ABHD17B: variants seen among roughly 807,000 people sequenced by gnomAD.
The protein encoded by ABHD17B is alpha/beta hydrolase domain-containing protein 17B.
A neutral mutation model predicts 26.2 loss-of-function variants in ABHD17B; 9 were observed. That is an observed-to-expected ratio of 0.34 (90% CI 0.21 to 0.60). ABHD17B has a LOEUF of 0.60. Ranked by LOEUF, ABHD17B falls within the 20% of genes least tolerant of loss-of-function variation. ABHD17B has a pLI of 0.80. For synonymous variants in ABHD17B, 127 were observed against 122.3 expected, an observed-to-expected ratio of 1.04 and a Z score of -0.25; for missense variants, 224 against 352.1, an observed-to-expected ratio of 0.64 and a Z score of 2.91.
chr9:71,896,456 T>C (rs147777291), intron 1 of ABHD17B, among the ~76,000 whole-genome samples: 11 of 152,252 alleles, frequency 7.2e-5, no homozygotes, highest in African/African-American at 2.4e-4. Flanking sequence ...TTGGTCAAGA[T>C]ATCAAACTTC....
chr9:71,891,586 T>C (rs990705637), intron 1 of ABHD17B, among the ~76,000 whole-genome samples: 1 of 152,218 alleles, frequency 6.6e-6, no homozygotes, highest in Admixed American at 6.5e-5. Context: ...AAGAACTAAA[T>C]TGGGTTTCCT....
At chr9:71,876,824 C>A (rs959198281) in intron 1 of ABHD17B, among the ~76,000 whole-genome samples, 5 of 152,034 alleles carry the variant, frequency 3.3e-5, no homozygotes, top group African/African-American at 4.8e-5. Context: ...AAGAGAGGAA[C>A]AAGGGTAGGT....
intron 2 of ABHD17B, among the ~76,000 whole-genome samples, chr9:71,872,658 T>A (rs2132132966): frequency 6.6e-6 from 1 of 152,220 alleles, no homozygotes; most frequent in East Asian, 1.9e-4. Context: ...AATAAAGCTA[T>A]TTTTTTAATT....
Position 71,866,751 on chromosome 9 carries a change from A to G in ABHD17B, c.*36T>C. On this transcript the variant is annotated 3_prime_UTR_variant, in exon 4 of 4. Transcript: ENST00000333421. Reference sequence around the variant, plus strand: ...ATTTACCAAAGAGTGCAGTTCAGCAAGAAAGGAAAACCCAGTAGCAAATTT... The same window carrying G: ...ATTTACCAAAGAGTGCAGTTCAGCAGGAAAGGAAAACCCAGTAGCAAATTT... The G allele has an allele frequency of 6.2e-7, 1 of 1,611,270 alleles. No homozygotes were observed. The highest frequency in any genetic ancestry group is 8.5e-7 in the Non-Finnish European group (1 of 1,178,524).
intron 1 of ABHD17B, among the ~76,000 whole-genome samples, chr9:71,892,658 G>T (rs534214649): frequency 6.6e-6 from 1 of 151,532 alleles, no homozygotes; most frequent in Non-Finnish European, 1.5e-5. Flanking sequence ...AATTTGGGGG[G>T]GGGAAGGCAG....
intron 1 of ABHD17B, among the ~76,000 whole-genome samples, chr9:71,880,185 A>G (rs1373372733): frequency 6.6e-6 from 1 of 152,214 alleles, no homozygotes; most frequent in Non-Finnish European, 1.5e-5. Flanking sequence ...GGGAAATCAA[A>G]GACCACCTTC....
chr9:71,895,989 TAAGA>T (rs1416419512), intron 1 of ABHD17B, among the ~76,000 whole-genome samples: 3 of 152,210 alleles, frequency 2.0e-5, no homozygotes, highest in Non-Finnish European at 4.4e-5. Flanking sequence ...TGGAGGTTCT[TAAGA>T]TATATTACAT....
intron 1 of ABHD17B, among the ~76,000 whole-genome samples, chr9:71,891,079 A>ACAGTAAACTACAC (rs1317826933): frequency 6.6e-6 from 1 of 152,128 alleles, no homozygotes; most frequent in African/African-American, 2.4e-5. Flanking sequence ...CTACACTGTT[A>ACAGTAAACTACAC]TGTATACTTC....
chr9:71,885,294 A>G (rs902809043), intron 1 of ABHD17B, among the ~76,000 whole-genome samples: 4 of 151,878 alleles, frequency 2.6e-5, no homozygotes, highest in Non-Finnish European at 5.9e-5. Context: ...AAAAAATAAT[A>G]ATAATTAATA....
intron 1 of ABHD17B, among the ~76,000 whole-genome samples, chr9:71,885,148 C>T (rs1441275587): frequency 1.3e-5 from 2 of 151,828 alleles, no homozygotes; most frequent in African/African-American, 4.8e-5. Context: ...AATAAATACA[C>T]AAAATGAAAG....
At chr9:71,904,719 G>T (rs746572597) in intron 1 of ABHD17B, among the ~76,000 whole-genome samples, 1 of 151,934 alleles carries the variant, frequency 6.6e-6, no homozygotes, top group Non-Finnish European at 1.5e-5. Flanking sequence ...CCAAACCTTA[G>T]GGATTTCAAA....
At chr9:71,888,311 C>T (rs944733829) in intron 1 of ABHD17B, among the ~76,000 whole-genome samples, 2 of 152,222 alleles carry the variant, frequency 1.3e-5, no homozygotes, top group African/African-American at 2.4e-5. Flanking sequence ...CATGAACAGA[C>T]ACATGTTTTC....
At chr9:71,879,846 C>T (rs1826388573) in intron 1 of ABHD17B, among the ~76,000 whole-genome samples, 1 of 152,164 alleles carries the variant, frequency 6.6e-6, no homozygotes, top group African/African-American at 2.4e-5. Context: ...AAAACAGAGG[C>T]ATAGAATAGT....
intron 1 of ABHD17B, among the ~76,000 whole-genome samples, chr9:71,880,945 A>T (rs1826423874): frequency 6.6e-6 from 1 of 151,970 alleles, no homozygotes; most frequent in East Asian, 1.9e-4. Flanking sequence ...GAAAATAAAA[A>T]AATAAAACTA....
Position 71,874,786 on chromosome 9 carries a change from C to G in ABHD17B, c.295G>C (p.Gly99Arg), listed in dbSNP as rs1350303747. The G allele has an allele frequency of 6.2e-7, 1 of 1,614,198 alleles. No homozygotes were observed. Among genetic ancestry groups the G allele is most frequent in the Non-Finnish European group, 8.5e-7 (1 of 1,180,018 alleles). Residue 99 changes from glycine to arginine, a missense_variant, in exon 2 of 4, where the codon GGA becomes CGA. Transcript: ENST00000333421. Reference protein sequence around the residue: ...NAKYTLLFSHGNAVDLGQMSS... With the variant: ...NAKYTLLFSHRNAVDLGQMSS... ...ATTTGACCAAGATCAACAGCATTTC[C>G]ATGTGAGAAGAGTAAAGTGTATTTC...
At chr9:71,879,715 T>C (rs953118433) in intron 1 of ABHD17B, among the ~76,000 whole-genome samples, 1 of 152,150 alleles carries the variant, frequency 6.6e-6, no homozygotes, top group Non-Finnish European at 1.5e-5. Flanking sequence ...TAATAGCAAA[T>C]AGCATTAACT....
chr9:71,903,697 ATGTT>A (rs923884585), intron 1 of ABHD17B, among the ~76,000 whole-genome samples: 7 of 152,374 alleles, frequency 4.6e-5, no homozygotes, highest in African/African-American at 1.4e-4. Context: ...AAATGACTGT[ATGTT>A]AACAAAATAG....
chr9:71,910,448 G>C (rs948467035), intron 1 of ABHD17B, among the ~76,000 whole-genome samples, 186 bp downstream of exon 1: 1 of 151,844 alleles, frequency 6.6e-6, no homozygotes, highest in African/African-American at 2.4e-5. Context: ...ACACAGACCC[G>C]ATGAGGAGTG....
chr9:71,896,879 C>T (rs998311415), intron 1 of ABHD17B, among the ~76,000 whole-genome samples: 2 of 152,174 alleles, frequency 1.3e-5, no homozygotes, highest in African/African-American at 4.8e-5. Flanking sequence ...GCTGAAGAAG[C>T]TGAATTTGGT....
Sources: gnomAD v4.1 joint callset for allele counts (sites outside exome capture counted in the v4.1 genomes callset) on GRCh38, gnomAD v4.1.1 for gene constraint, MANE v1.5 for transcripts, NCBI Gene and HGNC (gene_info 2026-07-23, HGNC 2026-07-21) for gene names.